The following RGS7BP variants were observed in gnomAD, a reference collection of about 807,000 sequenced individuals.
The protein encoded by RGS7BP is regulator of G protein signaling 7 binding protein.
In RGS7BP, 9 loss-of-function variants were observed where a neutral mutation model predicts 31.3. The observed-to-expected ratio is 0.29, with a 90% CI of 0.17 to 0.50. RGS7BP has a LOEUF of 0.50. RGS7BP is among the 20% of genes least tolerant of loss of function. The pLI is 0.98. For synonymous variants in RGS7BP, 115 were observed against 120.1 expected (o/e 0.96, Z 0.28); for missense variants, 274 against 322.0 (o/e 0.85, Z 1.14).
intron 2 of RGS7BP, among the ~76,000 whole-genome samples, chr5:64,558,700 A>C (rs907544489): frequency 6.6e-6 from 1 of 152,118 alleles, no homozygotes; most frequent in Non-Finnish European, 1.5e-5. Context: ...ACACAGCCAT[A>C]TTTCCCTTAT....
At chr5:64,582,547 C>T (rs1201009431) in intron 3 of RGS7BP, among the ~76,000 whole-genome samples, 1 of 152,196 alleles carries the variant, frequency 6.6e-6, no homozygotes, top group African/African-American at 2.4e-5. Context: ...TGAAGGTATA[C>T]CATCCTCCCT....
intron 3 of RGS7BP, among the ~76,000 whole-genome samples, chr5:64,586,204 A>G (rs755183737): frequency 6.6e-6 from 1 of 152,130 alleles, no homozygotes; most frequent in Non-Finnish European, 1.5e-5. Context: ...CAAATTGGCC[A>G]CTTTCCAGGT....
chr5:64,594,857 G>A lies in RGS7BP; in HGVS notation c.611G>A (p.Arg204Lys), dbSNP rs754640215. 1.2e-6 allele frequency: 2 copies of A among 1,613,464 alleles called. No individual in the cohort carries two copies. Among genetic ancestry groups the A allele is most frequent in the South Asian group, 1.1e-5 (1 of 91,014 alleles). Residue 204 changes from arginine to lysine, a missense_variant and splice_region_variant, in exon 4 of 6, where the codon AGA (arginine) becomes AAA (lysine). By Grantham distance (26) the Arg-to-Lys change is conservative. Coordinates refer to ENST00000334025, the MANE Select transcript of RGS7BP (RefSeq NM_001029875.3). ...QVSTDIENTERDMREMKNLLS... is the reference protein window; with the variant it reads ...QVSTDIENTEKDMREMKNLLS... ...TCCACAGACATTGAGAACACTGAAA[G>A]GTAAGTGGGAAGTTACCCTGAATAG...
At chr5:64,595,648 C>G (rs1451295931) in intron 4 of RGS7BP, among the ~76,000 whole-genome samples, 1 of 152,062 alleles carries the variant, frequency 6.6e-6, no homozygotes, top group Non-Finnish European at 1.5e-5. Context: ...GATATCTGTG[C>G]CCTTTGCTAC....
chr5:64,578,654 C>T (rs1742500821), intron 3 of RGS7BP, among the ~76,000 whole-genome samples: 1 of 152,214 alleles, frequency 6.6e-6, no homozygotes, highest in African/African-American at 2.4e-5. Flanking sequence ...GTCTACTCCC[C>T]TAAGTGTACA....
In RGS7BP at chr5:64,506,559, C is replaced by A; in HGVS notation, c.-66C>A. The A allele has an allele frequency of 6.8e-7, 1 of 1,466,094 alleles. No homozygotes were observed. Among genetic ancestry groups the A allele is most frequent in the Non-Finnish European group, 9.3e-7 (1 of 1,078,928 alleles). 90.8% of individuals were successfully genotyped at this position (1,466,094 alleles called of 1,614,324 possible). On this transcript the variant is annotated 5_prime_UTR_variant, in exon 1 of 6. Transcript: ENST00000334025. This position sits in a 1 kb window ranked among gnomAD's most constrained non-coding sequence, Gnocchi z 4.6. ...GGCTGCTTGGCGGCGGCGCCCAGGG[C>A]AACAACCGGGCCGCCCGCGCCGGGG...
At chr5:64,513,941 G>A (rs568954861) in intron 2 of RGS7BP, among the ~76,000 whole-genome samples, 1 of 152,334 alleles carries the variant, frequency 6.6e-6, no homozygotes, top group East Asian at 1.9e-4. Context: ...AAACGGAGTG[G>A]CTTAAACAAA....
At chr5:64,581,068 G>T (rs991628517) in intron 3 of RGS7BP, among the ~76,000 whole-genome samples, 1 of 152,026 alleles carries the variant, frequency 6.6e-6, no homozygotes, top group Non-Finnish European at 1.5e-5. Flanking sequence ...ACAAAAATTA[G>T]CCAGGTGTGG....
chr5:64,576,752 G>A (rs1742442793), intron 3 of RGS7BP, among the ~76,000 whole-genome samples: 1 of 152,164 alleles, frequency 6.6e-6, no homozygotes, highest in South Asian at 2.1e-4. Context: ...GATATTCTGT[G>A]GTGGGAGAGT....
chr5:64,507,608 C>T (rs1189792610), intron 1 of RGS7BP, 103 bp from the exon 2 acceptor site: 5 of 1,026,026 alleles, frequency 4.9e-6, no homozygotes, highest in Non-Finnish European at 1.4e-6. Flanking sequence ...ATCTGGGGAG[C>T]TGACTCAGGG....
chr5:64,578,228 C>T (rs1437033154), intron 3 of RGS7BP, among the ~76,000 whole-genome samples: 1 of 152,188 alleles, frequency 6.6e-6, no homozygotes, highest in African/African-American at 2.4e-5. Flanking sequence ...CCTTCTCTGC[C>T]TATTTTTAAA....
intron 2 of RGS7BP, among the ~76,000 whole-genome samples, chr5:64,526,891 C>T (rs1473003598): frequency 6.6e-6 from 1 of 152,188 alleles, no homozygotes; most frequent in Non-Finnish European, 1.5e-5. Context: ...GATACTCAAG[C>T]TGCAGCTCCT....
chr5:64,598,314 T>A, intron 4 of RGS7BP, 51 bp from the exon 5 acceptor site: 1 of 1,076,526 alleles, frequency 9.3e-7, no homozygotes. Context: ...GTTTGAGATT[T>A]CATTTTGAAA....
At chr5:64,538,108 A>G (rs1174149143) in intron 2 of RGS7BP, among the ~76,000 whole-genome samples, 1 of 152,256 alleles carries the variant, frequency 6.6e-6, no homozygotes, top group East Asian at 1.9e-4. Flanking sequence ...AGTGGAAACC[A>G]TATACATAGC....
At chr5:64,542,539 C>T (rs888778418) in intron 2 of RGS7BP, among the ~76,000 whole-genome samples, 6 of 152,224 alleles carry the variant, frequency 3.9e-5, no homozygotes, top group South Asian at 2.1e-4. Context: ...TGCCCAAAAA[C>T]GTTATTTTAG....
At chr5:64,570,659 C>T (rs886764762) in intron 2 of RGS7BP, among the ~76,000 whole-genome samples, 11 of 152,112 alleles carry the variant, frequency 7.2e-5, no homozygotes, top group African/African-American at 2.7e-4. Context: ...TGTGTTAACT[C>T]CTAAACTTGA....
At chr5:64,568,537 C>G (rs1742224059) in intron 2 of RGS7BP, among the ~76,000 whole-genome samples, 2 of 152,074 alleles carry the variant, frequency 1.3e-5, no homozygotes, top group African/African-American at 4.8e-5. Context: ...GAGTGATACT[C>G]CTGTCATGAA....
At chr5:64,508,872 T>G (rs116114445) in intron 2 of RGS7BP, among the ~76,000 whole-genome samples, 1 of 152,174 alleles carries the variant, frequency 6.6e-6, no homozygotes, top group Admixed American at 6.5e-5. Context: ...CCATCTTTAA[T>G]TCCAATAATA....
chr5:64,507,161 T>C (rs886119096), intron 1 of RGS7BP, among the ~76,000 whole-genome samples: 1 of 152,074 alleles, frequency 6.6e-6, no homozygotes, highest in African/African-American at 2.4e-5. Flanking sequence ...CAAACCCAAA[T>C]ACAGCGCACG....
Sources: gnomAD v4.1 joint callset for allele counts (sites outside exome capture counted in the v4.1 genomes callset) on GRCh38, gnomAD v4.1.1 for gene constraint, Gnocchi (gnomAD v3.1) non-coding constraint, MANE v1.5 for transcripts, NCBI Gene and HGNC (gene_info 2026-07-23, HGNC 2026-07-21) for gene names.